MYO18B: variants seen among roughly 807,000 people sequenced by gnomAD.
The protein encoded by MYO18B is myosin XVIIIB, also known as unconventional myosin-XVIIIb.
A neutral mutation model predicts 273.0 loss-of-function variants in MYO18B; 204 were observed. The observed-to-expected ratio is 0.75, with a 90% CI of 0.67 to 0.84. The LOEUF (loss-of-function observed/expected upper bound fraction) is 0.84, where lower values mean the gene tolerates loss of function less well. MYO18B is among the 40% of genes least tolerant of loss of function. The pLI is 0.00. For missense variants in MYO18B, 3,212 were observed against 3,287.6 expected, an observed-to-expected ratio of 0.98 and a Z score of 0.56; for synonymous variants, 1,330 against 1,305.7, an observed-to-expected ratio of 1.02 and a Z score of -0.40.
the MYO18B span, among the ~76,000 whole-genome samples, chr22:26,053,252 A>G: frequency 6.6e-6 from 1 of 152,206 alleles, no homozygotes; most frequent in Admixed American, 6.5e-5. Flanking sequence ...TATCACTGTC[A>G]TCATCATCAA....
chr22:25,803,141 T>G (rs1040331841), intron 12 of MYO18B, among the ~76,000 whole-genome samples: 1 of 151,852 alleles, frequency 6.6e-6, no homozygotes, highest in Non-Finnish European at 1.5e-5. Context: ...TTTTTTGTAT[T>G]TTTAGTAGAG....
At chr22:25,966,272 A>C (rs1233616222) in intron 39 of MYO18B, among the ~76,000 whole-genome samples, 1 of 151,742 alleles carries the variant, frequency 6.6e-6, no homozygotes, top group African/African-American at 2.4e-5. Context: ...TTGTTTTTTC[A>C]TTTGCTTTAA....
intron 21 of MYO18B, among the ~76,000 whole-genome samples, chr22:25,864,420 G>A (rs2090828675): frequency 6.6e-6 from 1 of 152,108 alleles, no homozygotes; most frequent in Admixed American, 6.6e-5. Context: ...TCCCTTATAT[G>A]CTACTTATAT....
chr22:25,838,345 C>T (rs1481333446), intron 17 of MYO18B, among the ~76,000 whole-genome samples: 1 of 152,050 alleles, frequency 6.6e-6, no homozygotes, highest in Non-Finnish European at 1.5e-5. Flanking sequence ...ATTACAGGCA[C>T]CTGCCACCAT....
Position 25,914,686 on chromosome 22 carries a change from C to CTTTTTTTTTTTTTTTTTTTTTTT in MYO18B, c.5364+3642_5364+3664dup, listed in dbSNP as rs3070566. ...TTTGAAAATAAGAATAGTTTTGACT[C>CTTTTTTTTTTTTTTTTTTTTTTT]TTTTTTTTTTTTTTTTTTTTTTTTT... On this transcript the variant is annotated intron_variant, in intron 33 of 43. Transcript: ENST00000335473. Among the ~76,000 whole-genome samples the CTTTTTTTTTTTTTTTTTTTTTTT allele has an allele frequency of 1.4e-4, 7 of 50,848 alleles. 3 individuals are homozygous for CTTTTTTTTTTTTTTTTTTTTTTT. The highest frequency in any genetic ancestry group is 1.7e-4 in the African/African-American group (2 of 11,796). The allele number at this position is 50,848 out of a possible 152,430, so 33.4% of individuals were successfully genotyped here. A position where few individuals can be genotyped will look rare whatever the true frequency, so the allele number is the denominator to read the frequency against.
At chr22:25,790,404 C>T (rs1183145271) in intron 11 of MYO18B, among the ~76,000 whole-genome samples, 3 of 152,136 alleles carry the variant, frequency 2.0e-5, no homozygotes, top group African/African-American at 4.8e-5. Context: ...TTACCATCTC[C>T]GACTCCCAAA....
intron 1 of MYO18B, among the ~76,000 whole-genome samples, chr22:25,756,004 A>G (rs977111550): frequency 6.6e-6 from 1 of 150,466 alleles, no homozygotes; most frequent in Admixed American, 6.6e-5. Context: ...TTCACGCCAT[A>G]CTTTTGCCTC....
At chr22:25,753,413 G>T (rs534603426) in intron 1 of MYO18B, among the ~76,000 whole-genome samples, 1 of 152,292 alleles carries the variant, frequency 6.6e-6, no homozygotes, top group East Asian at 1.9e-4. Flanking sequence ...TCAGCTCTTT[G>T]TAAAACGGAC....
At chr22:25,852,058 G>A (rs993684566) in intron 21 of MYO18B, among the ~76,000 whole-genome samples, 5 of 152,194 alleles carry the variant, frequency 3.3e-5, no homozygotes, top group African/African-American at 9.7e-5. Flanking sequence ...TTTGCAAAGT[G>A]TGTTCCATTC....
chr22:26,025,267 C>T (rs1040830876), intron 42 of MYO18B, among the ~76,000 whole-genome samples: 4 of 152,210 alleles, frequency 2.6e-5, no homozygotes, highest in South Asian at 2.1e-4. Context: ...GCTTCCTTCC[C>T]AGATTCAAAA....
intron 7 of MYO18B, among the ~76,000 whole-genome samples, chr22:25,775,547 C>T (rs1188374802): frequency 2.6e-5 from 4 of 152,186 alleles, no homozygotes; most frequent in Non-Finnish European, 1.5e-5. Context: ...ACAGTAACCT[C>T]CTGCCCTCTT....
chr22:26,062,951 T>C, the MYO18B span, among the ~76,000 whole-genome samples: 1 of 152,152 alleles, frequency 6.6e-6, no homozygotes, highest in Non-Finnish European at 1.5e-5. Context: ...CAAAGCCAGG[T>C]CGCAGTCTCA....
intron 39 of MYO18B, among the ~76,000 whole-genome samples, chr22:25,956,630 C>T (rs889718513): frequency 2.2e-4 from 33 of 152,126 alleles, no homozygotes; most frequent in Admixed American, 2.0e-3. Context: ...AGTGACTGTT[C>T]CACTTTTTCT....
intron 21 of MYO18B, among the ~76,000 whole-genome samples, chr22:25,859,166 T>G (rs2090658278): frequency 6.6e-6 from 1 of 152,196 alleles, no homozygotes; most frequent in African/African-American, 2.4e-5. Context: ...GCCCCTTCTA[T>G]ACAATGAAGG....
chr22:25,798,227 T>G lies in MYO18B; in HGVS notation c.2521+130T>G, dbSNP rs952487979. ...CCTTCTATGTCTCTGGGACTTCCCT[T>G]GGGGAGGCTGCTGAAACTAGGCGTC... On this transcript the variant is annotated intron_variant, in intron 12 of 43. Coordinates refer to ENST00000335473, the MANE Select transcript of MYO18B (RefSeq NM_032608.7). 5.8e-5 allele frequency: 71 copies of G among 1,220,684 alleles called. No individual in the cohort carries two copies. The African/African-American group carries it at 1.0e-3, about 18-fold the overall frequency. The allele number at this position is 1,220,684 out of a possible 1,614,324, so 75.6% of individuals were successfully genotyped here. A position where few individuals can be genotyped will look rare whatever the true frequency, so the allele number is the denominator to read the frequency against.
chr22:25,773,745 G>A (rs2086813097), intron 7 of MYO18B, among the ~76,000 whole-genome samples: 3 of 152,242 alleles, frequency 2.0e-5, no homozygotes, highest in Non-Finnish European at 4.4e-5. Context: ...TTACAGGCAT[G>A]AGCCACTGCG....
At chr22:26,042,142 C>T in the MYO18B span, among the ~76,000 whole-genome samples, 1 of 152,198 alleles carries the variant, frequency 6.6e-6, no homozygotes, top group Non-Finnish European at 1.5e-5. Flanking sequence ...TGGAACTGCG[C>T]CCTGGGTTCA....
chr22:25,839,121 TGA>T (rs2090002461), intron 17 of MYO18B, among the ~76,000 whole-genome samples: 1 of 137,266 alleles, frequency 7.3e-6, no homozygotes, highest in Non-Finnish European at 1.7e-5. Context: ...TATATATGTA[TGA>T]GTGTTTGTGT....
At chr22:26,046,930 G>C in the MYO18B span, among the ~76,000 whole-genome samples, 2 of 152,232 alleles carry the variant, frequency 1.3e-5, no homozygotes, top group African/African-American at 4.8e-5. Flanking sequence ...CAGAGATCCA[G>C]TGGGGCCATC....
Sources: gnomAD v4.1 joint callset for allele counts (sites outside exome capture counted in the v4.1 genomes callset) on GRCh38, gnomAD v4.1.1 for gene constraint, MANE v1.5 for transcripts, NCBI Gene and HGNC (gene_info 2026-07-23, HGNC 2026-07-21) for gene names.